The following DDC variants were observed in gnomAD, a reference collection of about 807,000 sequenced individuals.
The protein encoded by DDC is dopa decarboxylase, also known as aromatic-L-amino-acid decarboxylase.
A neutral mutation model predicts 60.0 loss-of-function variants in DDC; 43 were observed. The ratio of observed to expected loss-of-function variants is 0.72; its 90% CI spans 0.56 to 0.92. The LOEUF (loss-of-function observed/expected upper bound fraction) is 0.92, where lower values mean the gene tolerates loss of function less well. Ranked by LOEUF, DDC falls within the 40% of genes least tolerant of loss-of-function variation. DDC has a pLI of 0.00. For synonymous variants in DDC, 232 were observed against 234.6 expected, an observed-to-expected ratio of 0.99 and a Z score of 0.10; for missense variants, 573 against 620.2, an observed-to-expected ratio of 0.92 and a Z score of 0.81.
intron 2 of DDC, chr7:50,543,528 C>T (rs1182333022): frequency 2.8e-6 from 1 of 357,330 alleles, no homozygotes; most frequent in African/African-American, 2.1e-5. Context: ...GGGCAATTGA[C>T]TTATTTGAAA....
chr7:50,553,349 C>T (rs987338271), intron 1 of DDC, among the ~76,000 whole-genome samples: 6 of 152,114 alleles, frequency 3.9e-5, no homozygotes, highest in Admixed American at 2.0e-4. Flanking sequence ...TCAGAAAACA[C>T]GTAAGCTTTT....
intron 1 of DDC, among the ~76,000 whole-genome samples, chr7:50,545,241 G>A (rs1585272171): frequency 6.6e-6 from 1 of 152,222 alleles, no homozygotes; most frequent in African/African-American, 2.4e-5. Context: ...CTACACATAT[G>A]TACGTCCCTG....
intron 5 of DDC, 95 bp from the exon 6 acceptor site, chr7:50,528,375 A>G: frequency 6.6e-7 from 1 of 1,509,696 alleles, no homozygotes; most frequent in Non-Finnish European, 9.2e-7. Context: ...CATTGCAAAC[A>G]CAAGGTCCCT....
At chr7:50,494,017 C>A (rs1296529770) in intron 9 of DDC, among the ~76,000 whole-genome samples, 2 of 152,142 alleles carry the variant, frequency 1.3e-5, no homozygotes, top group African/African-American at 4.8e-5. Flanking sequence ...AAAATTCATG[C>A]AAATCCTCCT....
At chr7:50,553,102 C>T (rs1367048590) in intron 1 of DDC, among the ~76,000 whole-genome samples, 1 of 152,238 alleles carries the variant, frequency 6.6e-6, no homozygotes, top group Non-Finnish European at 1.5e-5. Context: ...CCATCCACGC[C>T]ACTGTGCATG....
intron 1 of DDC, among the ~76,000 whole-genome samples, chr7:50,549,753 C>T (rs58129743): frequency 0.18 from 27,635 of 151,818 alleles, 2,866 homozygotes; most frequent in Admixed American, 0.3. Context: ...TCCTCACAGA[C>T]GACTTCAAGT....
chr7:50,492,190 C>G (rs114000616), intron 9 of DDC, among the ~76,000 whole-genome samples: 2,016 of 152,324 alleles, frequency 0.013, 50 homozygotes, highest in African/African-American at 0.046. Context: ...TAAATCATCT[C>G]TTGTTTAAGC....
chr7:50,484,767 T>G (rs1702117695), intron 9 of DDC, among the ~76,000 whole-genome samples: 1 of 152,278 alleles, frequency 6.6e-6, no homozygotes, highest in South Asian at 2.1e-4. Flanking sequence ...ACCAGACACA[T>G]TCCTAGGGGA....
chr7:50,528,195 G>A lies in DDC; in HGVS notation c.656C>T (p.Ala219Val). The A allele has an allele frequency of 6.2e-7, 1 of 1,614,026 alleles. No homozygotes were observed. The highest frequency in any genetic ancestry group is 8.5e-7 in the Non-Finnish European group (1 of 1,180,036). ...CTCCAGGGCTTCCTGCAGGGCAGAC[G>A]CACGCATGGCGAAGTTGCCATCTGA... ...IPSDGNFAMR[A>V]SALQEALERD... is the part of the protein sequence containing the mutation. The change falls in exon 6 of 15, where the codon GCG (alanine) becomes GTG (valine). Residue 219 changes from alanine (A) to valine (V), a missense_variant. Physicochemically the swap from Ala to Val is moderately conservative, Grantham distance 64. Coordinates refer to ENST00000444124, the MANE Select transcript of DDC (RefSeq NM_001082971.2).
chr7:50,536,478 A>G (rs1257422492), intron 4 of DDC, among the ~76,000 whole-genome samples: 1 of 152,226 alleles, frequency 6.6e-6, no homozygotes. Context: ...TTACAAAAGA[A>G]AGGTCAGAAA....
intron 1 of DDC, among the ~76,000 whole-genome samples, chr7:50,554,672 G>A (rs1257022346): frequency 6.6e-6 from 1 of 152,186 alleles, no homozygotes; most frequent in Non-Finnish European, 1.5e-5. Context: ...TAGAGCCAGA[G>A]TTAGTGCTCA....
intron 11 of DDC, among the ~76,000 whole-genome samples, chr7:50,472,306 T>C (rs2042551570): frequency 6.6e-6 from 1 of 152,208 alleles, no homozygotes; most frequent in Non-Finnish European, 1.5e-5. Flanking sequence ...CGTACTTAAA[T>C]AAATCAGGAG....
Position 50,543,894 on chromosome 7 carries a change from G to T in DDC, c.192C>A (p.Ile64=). 6.2e-7 allele frequency: 1 copy of T among 1,614,074 alleles called. No homozygotes were observed. The highest frequency in any genetic ancestry group is 1.1e-5 in the South Asian group (1 of 91,048). ...TTGGATACACACTTACCCCAGGCAT[G>T]ATTATCTTCTCAACGTCGTTGATGA... ...EDIINDVEKI[I]MPGVTHWHSP... Residue 64 remains isoleucine, a synonymous_variant, in exon 2 of 15, where the codon ATC becomes ATA. Coordinates refer to ENST00000444124, the MANE Select transcript of DDC (RefSeq NM_001082971.2).
intron 1 of DDC, among the ~76,000 whole-genome samples, chr7:50,547,045 A>G (rs1234647824): frequency 6.6e-6 from 1 of 152,168 alleles, no homozygotes; most frequent in South Asian, 2.1e-4. Context: ...TTAATTTTGC[A>G]CATACAGTGA....
At chr7:50,514,952 C>A (rs774441348) in intron 6 of DDC, among the ~76,000 whole-genome samples, 1 of 152,178 alleles carries the variant, frequency 6.6e-6, no homozygotes, top group Admixed American at 6.5e-5. Flanking sequence ...TCAGTGTTCC[C>A]GAGGAAGAAG....
chr7:50,563,679 G>A (rs1027685918), intron 1 of DDC, among the ~76,000 whole-genome samples: 3 of 152,082 alleles, frequency 2.0e-5, no homozygotes, highest in Admixed American at 6.5e-5. Flanking sequence ...TCGGCTCACC[G>A]CAACCTCCGC....
At chr7:50,547,335 C>G (rs1415190206) in intron 1 of DDC, among the ~76,000 whole-genome samples, 2 of 151,988 alleles carry the variant, frequency 1.3e-5, no homozygotes, top group Non-Finnish European at 2.9e-5. Context: ...CTCAGCCTCC[C>G]GAGTAGCTGG....
chr7:50,549,103 CA>C (rs1211058858), intron 1 of DDC, among the ~76,000 whole-genome samples: 1 of 152,188 alleles, frequency 6.6e-6, no homozygotes, highest in Non-Finnish European at 1.5e-5. Context: ...AGATTCCTTT[CA>C]AAAATATTAC....
chr7:50,478,716 A>G (rs1015491357), intron 10 of DDC, among the ~76,000 whole-genome samples: 5 of 152,188 alleles, frequency 3.3e-5, no homozygotes, highest in Non-Finnish European at 5.9e-5. Context: ...ACTGTGGACT[A>G]CTTAATAGGT....
Sources: gnomAD v4.1 joint callset for allele counts (sites outside exome capture counted in the v4.1 genomes callset) on GRCh38, gnomAD v4.1.1 for gene constraint, MANE v1.5 for transcripts, NCBI Gene and HGNC (gene_info 2026-07-23, HGNC 2026-07-21) for gene names.